Variants in PCDH11Y observed in about 807,000 individuals in gnomAD.
The protein encoded by PCDH11Y is protocadherin 11 Y-linked.
For synonymous variants in PCDH11Y, 9 were observed against 83.6 expected, an observed-to-expected ratio of 0.11 and a Z score of 4.87; for missense variants, 12 against 224.8, an observed-to-expected ratio of 0.05 and a Z score of 6.05.
chrY:5,074,741 CATATTT>C (rs2052705479), intron 1 of PCDH11Y, among the ~76,000 whole-genome samples: 1 of 32,424 alleles, frequency 3.1e-5, no homozygotes, highest in South Asian at 6.9e-4. Flanking sequence ...ATACAGAAAA[CATATTT>C]ATTATTAGCA....
intron 2 of PCDH11Y, among the ~76,000 whole-genome samples, chrY:5,379,694 C>G: frequency 3.4e-5 from 1 of 29,794 alleles, no homozygotes; most frequent in Admixed American, 3.2e-4. Context: ...ACTAGTGGAA[C>G]AACACAGAGT....
chrY:5,144,349 C>G, intron 2 of PCDH11Y, among the ~76,000 whole-genome samples: 1 of 31,547 alleles, frequency 3.2e-5, no homozygotes, highest in Non-Finnish European at 7.8e-5. Context: ...TATGAATTCT[C>G]TTTTACCTAC....
intron 2 of PCDH11Y, among the ~76,000 whole-genome samples, chrY:5,407,843 G>GGAA (rs2053241477): frequency 6.9e-5 from 2 of 29,088 alleles, no homozygotes; most frequent in African/African-American, 2.7e-4. Flanking sequence ...TGAACCAGCG[G>GGAA]GCGGAGCTTG....
chrY:5,128,879 A>G (rs34052432), intron 2 of PCDH11Y, among the ~76,000 whole-genome samples: 1 of 33,533 alleles, frequency 3.0e-5, no homozygotes, highest in East Asian at 7.9e-4. Flanking sequence ...AATTATGGTC[A>G]TATGAACTCA....
intron 2 of PCDH11Y, among the ~76,000 whole-genome samples, chrY:5,340,625 T>C: frequency 3.0e-5 from 1 of 33,764 alleles, no homozygotes. Context: ...GTAAGGTGTG[T>C]AAATGTGAGT....
chrY:5,388,455 G>T, intron 2 of PCDH11Y, among the ~76,000 whole-genome samples: 1 of 33,310 alleles, frequency 3.0e-5, no homozygotes, highest in African/African-American at 1.2e-4. Context: ...CCCAGTGAGG[G>T]CGTGTGTTTG....
intron 2 of PCDH11Y, among the ~76,000 whole-genome samples, chrY:5,394,010 A>G (rs2053224473): frequency 1.5e-4 from 5 of 32,521 alleles, no homozygotes; most frequent in Admixed American, 2.9e-4. Context: ...TCAAGTTAGT[A>G]TACTTTCTGG....
chrY:5,210,435 A>G, intron 2 of PCDH11Y, among the ~76,000 whole-genome samples: 1 of 26,860 alleles, frequency 3.7e-5, no homozygotes, highest in African/African-American at 1.5e-4. Context: ...GCTAGTATGG[A>G]AAATTGTCTT....
intron 4 of PCDH11Y, among the ~76,000 whole-genome samples, chrY:5,646,389 C>G (rs1602955937): frequency 6.2e-5 from 2 of 32,256 alleles, no homozygotes; most frequent in Middle Eastern, 0.014. Flanking sequence ...TTAGTGGGCC[C>G]AAAAATACAG....
At chrY:5,117,502 G>C in intron 2 of PCDH11Y, among the ~76,000 whole-genome samples, 1 of 32,948 alleles carries the variant, frequency 3.0e-5, no homozygotes, top group Non-Finnish European at 7.5e-5. Flanking sequence ...TGCTAGTGCT[G>C]AAAAGATCAA....
intron 1 of PCDH11Y, among the ~76,000 whole-genome samples, chrY:5,074,020 G>A: frequency 3.1e-5 from 1 of 32,720 alleles, no homozygotes; most frequent in Non-Finnish European, 7.5e-5. Context: ...TTCTAGGATT[G>A]CAATTTTCAT....
At chrY:5,285,197 T>A in intron 2 of PCDH11Y, among the ~76,000 whole-genome samples, 1 of 31,646 alleles carries the variant, frequency 3.2e-5, no homozygotes, top group Non-Finnish European at 7.7e-5. Flanking sequence ...GATAATGACC[T>A]CCAGCTCCAT....
chrY:5,060,868 C>CA (rs1569474633), intron 1 of PCDH11Y, among the ~76,000 whole-genome samples: 58 of 23,074 alleles, frequency 2.5e-3, no homozygotes, highest in South Asian at 7.1e-3. Flanking sequence ...TAAAAAAATA[C>CA]AAAAAAAAAA....
intron 1 of PCDH11Y, among the ~76,000 whole-genome samples, chrY:5,073,278 A>G: frequency 3.0e-5 from 1 of 32,800 alleles, no homozygotes. Flanking sequence ...TTGGTAACAG[A>G]TAGAAACTGG....
intron 2 of PCDH11Y, among the ~76,000 whole-genome samples, chrY:5,415,118 G>A: frequency 3.0e-5 from 1 of 32,918 alleles, no homozygotes; most frequent in Admixed American, 2.8e-4. Context: ...ATCCTTGGGG[G>A]TTTGGTCATT....
At chrY:5,624,723 C>A (rs2053505074) in intron 4 of PCDH11Y, among the ~76,000 whole-genome samples, 1 of 31,638 alleles carries the variant, frequency 3.2e-5, no homozygotes, top group Non-Finnish European at 7.7e-5. Context: ...GCTCTTTATT[C>A]TTTTCCATTA....
At chrY:5,019,263 C>T in intron 1 of PCDH11Y, 2 of 32,882 alleles carry the variant, frequency 6.1e-5, no homozygotes, top group Non-Finnish European at 1.5e-4. Flanking sequence ...ACGGTGTTCC[C>T]CTCGGGGGTT....
chrY:5,170,262 T>C, intron 2 of PCDH11Y, among the ~76,000 whole-genome samples: 1 of 28,577 alleles, frequency 3.5e-5, no homozygotes, highest in African/African-American at 1.3e-4. Flanking sequence ...TGTTTTCTTC[T>C]TTTGTTTATA....
At chrY:5,344,575 G>A in intron 2 of PCDH11Y, among the ~76,000 whole-genome samples, 1 of 33,910 alleles carries the variant, frequency 2.9e-5, no homozygotes, top group African/African-American at 1.1e-4. Context: ...TATTTTTCAT[G>A]TAATACAAAG....
Sources: gnomAD v4.1 joint callset for allele counts (sites outside exome capture counted in the v4.1 genomes callset) on GRCh38, gnomAD v4.1.1 for gene constraint, MANE v1.5 for transcripts, NCBI Gene and HGNC (gene_info 2026-07-23, HGNC 2026-07-21) for gene names.